LINGO2: variants seen among roughly 807,000 people sequenced by gnomAD.
The protein encoded by LINGO2 is leucine rich repeat and Ig domain containing 2.
Under a neutral mutation model 30.6 loss-of-function variants are expected in LINGO2, and 14 were observed. The observed-to-expected ratio is 0.46, with a 90% CI of 0.30 to 0.72. The LOEUF is 0.72. Among genes scored for constraint, LINGO2 ranks in the 30% least tolerant of loss-of-function variants. LINGO2 has a pLI of 0.07. For missense variants in LINGO2, 729 were observed against 751.7 expected (o/e 0.97, Z 0.35); for synonymous variants, 317 against 288.5 (o/e 1.10, Z -1.00).
the LINGO2 span, among the ~76,000 whole-genome samples, chr9:28,994,760 C>T: frequency 6.6e-6 from 1 of 152,108 alleles, no homozygotes; most frequent in Non-Finnish European, 1.5e-5. Context: ...GAAAAACAAG[C>T]AATGAGGAAA....
the LINGO2 span, among the ~76,000 whole-genome samples, chr9:28,822,861 T>A: frequency 6.6e-6 from 1 of 152,010 alleles, no homozygotes; most frequent in African/African-American, 2.4e-5. Flanking sequence ...ACTGAAAAAA[T>A]TAAAATCCAG....
At chr9:28,426,073 T>C (rs563660182) in intron 2 of LINGO2, among the ~76,000 whole-genome samples, 25 of 152,066 alleles carry the variant, frequency 1.6e-4, no homozygotes, top group Non-Finnish European at 3.7e-4. Context: ...ACTGTATTAC[T>C]GAAATCAGCT....
At chr9:28,427,855 A>G in intron 2 of LINGO2, among the ~76,000 whole-genome samples, 1 of 152,148 alleles carries the variant, frequency 6.6e-6, no homozygotes, top group East Asian at 1.9e-4. Flanking sequence ...AGCTCCTAAT[A>G]TAGAGCTCGG....
the LINGO2 span, among the ~76,000 whole-genome samples, chr9:29,209,863 A>G: frequency 1.3e-5 from 2 of 152,018 alleles, no homozygotes; most frequent in Non-Finnish European, 2.9e-5. Context: ...ATTTTTTTTC[A>G]ATCTAACATG....
At chr9:28,141,151 T>C (rs1406362825) in intron 4 of LINGO2, among the ~76,000 whole-genome samples, 1 of 152,218 alleles carries the variant, frequency 6.6e-6, no homozygotes, top group Non-Finnish European at 1.5e-5. Context: ...GGTTAACTTA[T>C]TTCTGTCATG....
At chr9:28,887,475 G>T in the LINGO2 span, among the ~76,000 whole-genome samples, 1 of 151,948 alleles carries the variant, frequency 6.6e-6, no homozygotes, top group African/African-American at 2.4e-5. Flanking sequence ...TAATATTAAA[G>T]AGTAATGTTA....
intron 2 of LINGO2, among the ~76,000 whole-genome samples, chr9:28,398,310 T>C (rs1410426866): frequency 3.3e-5 from 5 of 152,204 alleles, no homozygotes; most frequent in African/African-American, 1.2e-4. Context: ...AAAGAGTTAG[T>C]GGTAATTTAA....
chr9:27,962,962 G>A (rs532120801), intron 5 of LINGO2, among the ~76,000 whole-genome samples: 1 of 152,162 alleles, frequency 6.6e-6, no homozygotes, highest in South Asian at 2.1e-4. Context: ...CGTATGCTGG[G>A]TATTTATTCC....
At chr9:28,084,142 C>CA (rs1825845296) in intron 4 of LINGO2, among the ~76,000 whole-genome samples, 1 of 152,120 alleles carries the variant, frequency 6.6e-6, no homozygotes, top group South Asian at 2.1e-4. Flanking sequence ...ACCATATATA[C>CA]AGCCCTCAGA....
At chr9:28,093,636 T>C (rs1348442933) in intron 4 of LINGO2, among the ~76,000 whole-genome samples, 1 of 152,070 alleles carries the variant, frequency 6.6e-6, no homozygotes, top group African/African-American at 2.4e-5. Flanking sequence ...AACCCTTTTG[T>C]TCCTGGAAAA....
intron 4 of LINGO2, among the ~76,000 whole-genome samples, chr9:28,244,374 G>C (rs1178805934): frequency 6.6e-6 from 1 of 151,932 alleles, no homozygotes; most frequent in Non-Finnish European, 1.5e-5. Context: ...CAGAAAGCTA[G>C]AAAGATCTCA....
intron 4 of LINGO2, among the ~76,000 whole-genome samples, chr9:28,180,564 T>G (rs893648534): frequency 6.6e-6 from 1 of 152,168 alleles, no homozygotes; most frequent in Non-Finnish European, 1.5e-5. Flanking sequence ...TCCTCATGTT[T>G]TCTATCCAGT....
the LINGO2 span, among the ~76,000 whole-genome samples, chr9:28,968,835 ACATGGCAAT>A: frequency 6.6e-6 from 1 of 152,176 alleles, no homozygotes; most frequent in African/African-American, 2.4e-5. Context: ...AAAAAATGTG[ACATGGCAAT>A]CAGATCTTTA....
At chr9:28,654,209 A>G (rs1447954238) in intron 1 of LINGO2, among the ~76,000 whole-genome samples, 3 of 152,168 alleles carry the variant, frequency 2.0e-5, no homozygotes, top group African/African-American at 4.8e-5. Flanking sequence ...GCTTAGGACA[A>G]GAGAAAAGCT....
At chr9:28,294,864 A>C (rs2134182965) in intron 4 of LINGO2, among the ~76,000 whole-genome samples, 1 of 152,314 alleles carries the variant, frequency 6.6e-6, no homozygotes, top group Non-Finnish European at 1.5e-5. Flanking sequence ...TAAATACTTA[A>C]CGGCAACACT....
chr9:28,182,784 G>A (rs1564024268), intron 4 of LINGO2, among the ~76,000 whole-genome samples: 4 of 152,098 alleles, frequency 2.6e-5, no homozygotes, highest in Non-Finnish European at 5.9e-5. Context: ...TCAGAATGGC[G>A]ATTATTAAAA....
At chr9:28,565,574 C>A (rs1049381733) in intron 1 of LINGO2, among the ~76,000 whole-genome samples, 1 of 141,864 alleles carries the variant, frequency 7.0e-6, no homozygotes, top group African/African-American at 2.6e-5. Flanking sequence ...TTTTTTGAGA[C>A]GGAGTCTCGC....
chr9:29,155,906 C>T, the LINGO2 span, among the ~76,000 whole-genome samples: 2 of 151,526 alleles, frequency 1.3e-5, 1 homozygote, highest in South Asian at 4.2e-4. Flanking sequence ...TGAAAACAAA[C>T]AAAAAAACAC....
chr9:28,766,475 G>C, the LINGO2 span, among the ~76,000 whole-genome samples: 3 of 151,248 alleles, frequency 2.0e-5, no homozygotes, highest in Non-Finnish European at 4.4e-5. Flanking sequence ...TACACTGTTG[G>C]GGGAAAGGTA....
Sources: gnomAD v4.1 joint callset for allele counts (sites outside exome capture counted in the v4.1 genomes callset) on GRCh38, gnomAD v4.1.1 for gene constraint, MANE v1.5 for transcripts, NCBI Gene and HGNC (gene_info 2026-07-23, HGNC 2026-07-21) for gene names.